DLG2: variants seen among roughly 807,000 people sequenced by gnomAD.
The protein encoded by DLG2 is discs large MAGUK scaffold protein 2.
A neutral mutation model predicts 132.5 loss-of-function variants in DLG2; 45 were observed. The ratio of observed to expected loss-of-function variants is 0.34; its 90% CI spans 0.27 to 0.44. The LOEUF (loss-of-function observed/expected upper bound fraction) is 0.44, where lower values mean the gene tolerates loss of function less well. DLG2 is among the 20% of genes least tolerant of loss of function. DLG2 has a pLI of 1.00. For synonymous variants in DLG2, 424 were observed against 419.6 expected, an observed-to-expected ratio of 1.01 and a Z score of -0.13; for missense variants, 1,045 against 1,196.9, an observed-to-expected ratio of 0.87 and a Z score of 1.87.
intron 6 of DLG2, among the ~76,000 whole-genome samples, chr11:84,945,790 C>T (rs1036061173): frequency 2.3e-4 from 35 of 152,130 alleles, no homozygotes; most frequent in African/African-American, 7.5e-4. Context: ...GTGCATCCCA[C>T]GTCCACTGGG....
chr11:84,920,396 C>T (rs1472822741), intron 6 of DLG2, among the ~76,000 whole-genome samples: 1 of 152,208 alleles, frequency 6.6e-6, no homozygotes, highest in Non-Finnish European at 1.5e-5. Flanking sequence ...AAAGTGACCT[C>T]ACAGCAAAAC....
In DLG2 at chr11:85,031,944, T is replaced by C. The variant is rs553990158; in HGVS notation, c.357+79717A>G. Among the ~76,000 whole-genome samples the C allele has an allele frequency of 7.8e-4, 96 of 123,396 alleles. 2 individuals are homozygous for C. Among genetic ancestry groups the C allele is most frequent in the African/African-American group, 2.7e-3 (82 of 30,666 alleles). 81.0% of individuals were successfully genotyped at this position (123,396 alleles called of 152,430 possible). ...GGCTACAAGTGTGTACCCTGACAAC[T>C]GGCTTTTTTTTTTTTTTTTTTTTTT... On this transcript the variant is annotated intron_variant, in intron 6 of 27. Transcript: ENST00000376104.
chr11:85,169,281 T>A (rs1389480469), intron 4 of DLG2, among the ~76,000 whole-genome samples: 1 of 152,168 alleles, frequency 6.6e-6, no homozygotes, highest in Non-Finnish European at 1.5e-5. Flanking sequence ...TAAGAGAAGT[T>A]CAACTGTGTC....
chr11:85,444,224 A>G (rs935044423), intron 3 of DLG2, among the ~76,000 whole-genome samples: 1 of 152,232 alleles, frequency 6.6e-6, no homozygotes, highest in African/African-American at 2.4e-5. Context: ...AATGAAACAT[A>G]ATTCAAGAAA....
chr11:83,922,012 C>T (rs1279495562), intron 15 of DLG2, among the ~76,000 whole-genome samples: 3 of 152,092 alleles, frequency 2.0e-5, no homozygotes, highest in East Asian at 3.9e-4. Flanking sequence ...ACTCTACCTG[C>T]CTGGGTTGTT....
At chr11:84,127,352 C>A (rs561306163) in intron 9 of DLG2, among the ~76,000 whole-genome samples, 1 of 152,122 alleles carries the variant, frequency 6.6e-6, no homozygotes, top group Admixed American at 6.6e-5. Flanking sequence ...CATTTAGCTC[C>A]GAATTAACCT....
At chr11:83,949,279 C>G (rs1440585735) in intron 14 of DLG2, among the ~76,000 whole-genome samples, 1 of 152,068 alleles carries the variant, frequency 6.6e-6, no homozygotes, top group Non-Finnish European at 1.5e-5. Context: ...GTTCCTTTCC[C>G]ATAGCTCTTT....
intron 6 of DLG2, among the ~76,000 whole-genome samples, chr11:84,805,931 G>T (rs940870150): frequency 2.0e-5 from 3 of 152,024 alleles, no homozygotes; most frequent in African/African-American, 7.3e-5. Flanking sequence ...GAACATACTT[G>T]AAACAAATGG....
intron 4 of DLG2, among the ~76,000 whole-genome samples, chr11:85,197,007 T>C (rs1186500446): frequency 6.6e-6 from 1 of 152,194 alleles, no homozygotes; most frequent in East Asian, 1.9e-4. Context: ...ATAGCTACAT[T>C]TATACAAAGT....
chr11:84,806,814 C>T (rs2076051191), intron 6 of DLG2, among the ~76,000 whole-genome samples: 1 of 152,096 alleles, frequency 6.6e-6, no homozygotes, highest in Non-Finnish European at 1.5e-5. Flanking sequence ...TCTTGGATTT[C>T]CTACATTATA....
intron 6 of DLG2, among the ~76,000 whole-genome samples, chr11:84,750,219 A>C (rs1222123636): frequency 6.6e-6 from 1 of 152,126 alleles, no homozygotes; most frequent in East Asian, 1.9e-4. Flanking sequence ...CTTGTTACAT[A>C]GGTAAATGTG....
intron 19 of DLG2, among the ~76,000 whole-genome samples, chr11:83,565,454 G>A (rs905563386): frequency 6.6e-6 from 1 of 152,196 alleles, no homozygotes; most frequent in Non-Finnish European, 1.5e-5. Flanking sequence ...GTTTTAAAAC[G>A]TCAGTAACTT....
At chr11:83,678,565 C>T (rs1566491969) in intron 18 of DLG2, among the ~76,000 whole-genome samples, 1 of 152,148 alleles carries the variant, frequency 6.6e-6, no homozygotes, top group Non-Finnish European at 1.5e-5. Flanking sequence ...CTTGGTTTCC[C>T]CTCAGACTCA....
chr11:84,502,202 CCTTCCT>C lies in DLG2; in HGVS notation c.519+32362_519+32367del, dbSNP rs1305708147. ...TCTCTCTCTTTCTCTCTCTCTCTCT[CCTTCCT>C]TCCTTCCTTCCTTCCTTCCTTCCTT... is the stretch of plus-strand genomic sequence containing the variant. On this transcript the variant is annotated intron_variant, in intron 7 of 27. Coordinates refer to ENST00000376104, the MANE Select transcript of DLG2 (RefSeq NM_001142699.3). Among the ~76,000 whole-genome samples, 205 of 24,922 alleles carry C rather than the reference CCTTCCT, an allele frequency of 8.2e-3. 43 individuals carry two copies. Among genetic ancestry groups the C allele is most frequent in the East Asian group, 0.013 (13 of 1,026 alleles). The allele number at this position is 24,922 out of a possible 152,430, so 16.3% of individuals were successfully genotyped here.
intron 6 of DLG2, among the ~76,000 whole-genome samples, chr11:84,780,585 G>C (rs1295002864): frequency 3.9e-5 from 6 of 152,078 alleles, no homozygotes; most frequent in African/African-American, 7.2e-5. Flanking sequence ...TCAGCAGTGT[G>C]TGTGAATTCT....
intron 7 of DLG2, among the ~76,000 whole-genome samples, chr11:84,486,270 C>A (rs2099150622): frequency 6.6e-6 from 1 of 151,954 alleles, no homozygotes; most frequent in South Asian, 2.1e-4. Context: ...GGCTCAAGCA[C>A]CTTAAATTTT....
chr11:83,486,324 C>T (rs746340889), intron 21 of DLG2: 139 of 622,394 alleles, frequency 2.2e-4, no homozygotes, highest in Non-Finnish European at 3.6e-4. Context: ...AGACATTTAA[C>T]TTCAACATCA....
At chr11:84,900,309 C>T (rs1590913600) in intron 6 of DLG2, among the ~76,000 whole-genome samples, 1 of 151,996 alleles carries the variant, frequency 6.6e-6, no homozygotes, top group African/African-American at 2.4e-5. Flanking sequence ...TAAAACAGCT[C>T]TATTCTTAGC....
At chr11:85,075,615 T>A (rs902366446) in intron 6 of DLG2, among the ~76,000 whole-genome samples, 1 of 151,888 alleles carries the variant, frequency 6.6e-6, no homozygotes, top group Non-Finnish European at 1.5e-5. Context: ...CACATACACA[T>A]ATACTCACAT....
Sources: gnomAD v4.1 joint callset for allele counts (sites outside exome capture counted in the v4.1 genomes callset) on GRCh38, gnomAD v4.1.1 for gene constraint, MANE v1.5 for transcripts, NCBI Gene and HGNC (gene_info 2026-07-23, HGNC 2026-07-21) for gene names.